The following WWOX variants were observed in gnomAD, a reference collection of about 807,000 sequenced individuals.
WWOX encodes WW domain containing oxidoreductase.
A neutral mutation model predicts 46.2 loss-of-function variants in WWOX; 69 were observed. That is an observed-to-expected ratio of 1.49 (90% confidence interval 1.23 to 1.82). The LOEUF (loss-of-function observed/expected upper bound fraction) is 1.82. Ranked by LOEUF, WWOX falls within the 40% of genes most tolerant of loss-of-function variation. The pLI is 0.00. For synonymous variants in WWOX, 359 were observed against 202.6 expected (o/e 1.77, Z -6.56); for missense variants, 919 against 542.6 (o/e 1.69, Z -6.89).
In WWOX at chr16:78,143,798, A is replaced by G. The variant is rs899192239; in HGVS notation, c.410-20385A>G. 7.6e-5 allele frequency among the ~76,000 whole-genome samples: 11 copies of G among 143,982 alleles called. No individual in the cohort carries two copies. The East Asian group carries it at 1.2e-3, about 16-fold the overall frequency. The allele number at this position is 143,982 out of a possible 152,430, so 94.5% of individuals were successfully genotyped here. On this transcript the variant is annotated intron_variant, in intron 4 of 8. Coordinates refer to ENST00000566780, the MANE Select transcript of WWOX (RefSeq NM_016373.4). ...GTGGTGGTTGTTTAATGAGGAGGAC[A>G]TTATAAAGTATTATATTTCGTTTCC...
Position 78,983,968 on chromosome 16 carries a change from C to G in WWOX, c.1057-227640C>G, listed in dbSNP as rs375557121. On this transcript the variant is annotated intron_variant, in intron 8 of 8. Transcript: ENST00000566780. ...TCTCAGCTGACTGCAAGCTCTGCAT[C>G]CCAGGTTCACGCTATTCTCCTGCCT... Among the ~76,000 whole-genome samples the G allele has an allele frequency of 3.4e-5, 5 of 147,232 alleles. No individual in the cohort carries two copies. In the East Asian group the frequency reaches 1.1e-3, roughly 32 times the overall value.
chr16:78,668,780 C>A (rs546235077), intron 8 of WWOX, among the ~76,000 whole-genome samples: 1 of 152,206 alleles, frequency 6.6e-6, no homozygotes, highest in Non-Finnish European at 1.5e-5. Context: ...GCATTCTGAA[C>A]AGAGGGAATA....
intron 5 of WWOX, among the ~76,000 whole-genome samples, chr16:78,365,757 T>G (rs1005154955): frequency 6.6e-6 from 1 of 152,210 alleles, no homozygotes; most frequent in African/African-American, 2.4e-5. Flanking sequence ...GTTCTTTTGT[T>G]TTTTGTGTGT....
intron 8 of WWOX, among the ~76,000 whole-genome samples, chr16:78,504,365 A>G (rs1319251438): frequency 6.6e-6 from 1 of 152,244 alleles, no homozygotes; most frequent in Non-Finnish European, 1.5e-5. Flanking sequence ...TCTGAGATTC[A>G]CATATGTAGA....
intron 7 of WWOX, 152 bp from the exon 8 acceptor site, chr16:78,432,336 C>G: frequency 9.8e-7 from 1 of 1,016,488 alleles, no homozygotes; most frequent in Non-Finnish European, 1.5e-6. Flanking sequence ...GAACTCCCGA[C>G]CTCAGGTGAT....
At chr16:78,786,695 T>G (rs946913708) in intron 8 of WWOX, among the ~76,000 whole-genome samples, 8 of 152,208 alleles carry the variant, frequency 5.3e-5, no homozygotes, top group African/African-American at 1.9e-4. Context: ...TCTGTGCCCA[T>G]AGTTGGCAGT....
intron 8 of WWOX, among the ~76,000 whole-genome samples, chr16:78,530,649 T>A (rs1352887630): frequency 6.6e-6 from 1 of 152,188 alleles, no homozygotes; most frequent in Non-Finnish European, 1.5e-5. Context: ...CAGGGATATA[T>A]GTTCTCACTT....
intron 4 of WWOX, among the ~76,000 whole-genome samples, chr16:78,154,639 C>G (rs1210628907): frequency 3.3e-5 from 5 of 152,116 alleles, no homozygotes; most frequent in South Asian, 2.1e-4. Context: ...ACCATGGGTT[C>G]AAGCTCCTGC....
chr16:78,531,108 C>G (rs577734654), intron 8 of WWOX, among the ~76,000 whole-genome samples: 1 of 152,062 alleles, frequency 6.6e-6, no homozygotes, highest in African/African-American at 2.4e-5. Context: ...GTTTGCATTT[C>G]ATGAGTCTTG....
intron 8 of WWOX, among the ~76,000 whole-genome samples, chr16:78,834,770 G>A (rs1156619525): frequency 1.3e-5 from 2 of 152,120 alleles, no homozygotes; most frequent in Non-Finnish European, 2.9e-5. Flanking sequence ...AGGATGTTGC[G>A]TATGTCAAAT....
chr16:78,560,392 C>T (rs2044407223), intron 8 of WWOX, among the ~76,000 whole-genome samples: 1 of 152,186 alleles, frequency 6.6e-6, no homozygotes, highest in Non-Finnish European at 1.5e-5. Context: ...CCTGTAATCC[C>T]AGCACTTTGG....
At chr16:79,120,822 G>C (rs941789113) in intron 8 of WWOX, among the ~76,000 whole-genome samples, 1 of 152,194 alleles carries the variant, frequency 6.6e-6, no homozygotes, top group Non-Finnish European at 1.5e-5. Context: ...CGGCTGGAGT[G>C]CAGTGGCATG....
intron 5 of WWOX, among the ~76,000 whole-genome samples, chr16:78,349,081 C>G (rs1320749461): frequency 8.3e-6 from 1 of 120,276 alleles, no homozygotes; most frequent in African/African-American, 2.8e-5. Flanking sequence ...GCCTAGAATT[C>G]CAAGGTCAAG....
At chr16:78,600,555 A>G (rs944630621) in intron 8 of WWOX, among the ~76,000 whole-genome samples, 5 of 152,124 alleles carry the variant, frequency 3.3e-5, no homozygotes, top group African/African-American at 1.2e-4. Context: ...TCTCCTAGGG[A>G]TCATCATCAT....
At chr16:78,905,520 C>T (rs2044939440) in intron 8 of WWOX, among the ~76,000 whole-genome samples, 2 of 152,116 alleles carry the variant, frequency 1.3e-5, no homozygotes, top group Non-Finnish European at 2.9e-5. Flanking sequence ...TAGTGGAGAC[C>T]ATAGGCATGT....
At chr16:78,170,026 G>A (rs1265904197) in intron 5 of WWOX, among the ~76,000 whole-genome samples, 1 of 152,124 alleles carries the variant, frequency 6.6e-6, no homozygotes, top group Non-Finnish European at 1.5e-5. Context: ...AGGGGCAGGT[G>A]GCTCTCCCTT....
chr16:78,878,796 C>T (rs1597097036), intron 8 of WWOX, among the ~76,000 whole-genome samples: 1 of 150,214 alleles, frequency 6.7e-6, no homozygotes. Context: ...GCTGTAATCC[C>T]AGAAACTCAA....
intron 8 of WWOX, among the ~76,000 whole-genome samples, chr16:78,934,902 C>G (rs963683458): frequency 1.3e-5 from 2 of 152,128 alleles, no homozygotes; most frequent in Non-Finnish European, 2.9e-5. Flanking sequence ...GAGTTTGAGA[C>G]CAGCCTGAGC....
At chr16:78,833,339 C>T (rs1236790983) in intron 8 of WWOX, among the ~76,000 whole-genome samples, 2 of 152,078 alleles carry the variant, frequency 1.3e-5, no homozygotes, top group African/African-American at 2.4e-5. Context: ...TTTCTTTATA[C>T]CAGTCCTCAA....
Sources: allele counts gnomAD v4.1 joint callset (sites outside exome capture counted in the v4.1 genomes callset), GRCh38; gene constraint gnomAD v4.1.1; transcripts MANE v1.5; gene names NCBI Gene and HGNC (gene_info 2026-07-23, HGNC 2026-07-21).